PCDHGA10: variants seen among roughly 807,000 people sequenced by gnomAD.
PCDHGA10 encodes the protein protocadherin gamma subfamily A, 10.
PCDHGA10 carries 42 observed loss-of-function variants against 59.5 expected under a neutral mutation model. That is an observed-to-expected ratio of 0.71 (90% CI 0.55 to 0.91). PCDHGA10 has a LOEUF of 0.91. Among genes scored for constraint, PCDHGA10 ranks in the 40% least tolerant of loss-of-function variants. PCDHGA10 has a pLI of 0.00. For missense variants in PCDHGA10, 1,111 were observed against 1,198.2 expected (o/e 0.93, Z 1.07); for synonymous variants, 511 against 517.2 (o/e 0.99, Z 0.16).
chr5:141,438,392 ATTAAC>A (rs1296512476), intron 1 of PCDHGA10, among the ~76,000 whole-genome samples: 3 of 151,714 alleles, frequency 2.0e-5, no homozygotes, highest in African/African-American at 7.3e-5. Context: ...TTAGTTCATC[ATTAAC>A]TCTCTGAAGT....
Position 141,440,827 on chromosome 5 carries a change from A to G in PCDHGA10, c.2436+25216A>G, listed in dbSNP as rs570022849. 7 of 152,196 alleles carry G rather than the reference A, an allele frequency of 4.6e-5. 1 individual carries two copies. The highest frequency in any genetic ancestry group is 1.4e-4 in the African/African-American group (6 of 41,526). 9.4% of individuals were successfully genotyped at this position (152,196 alleles called of 1,614,324 possible). A position where few individuals can be genotyped will look rare whatever the true frequency, so the allele number is the denominator to read the frequency against. ...GCAGCATCACTCAACTCCTGATCCT[A>G]TTGGTTGAAGCCAATGACAACCCTG... On this transcript the variant is annotated intron_variant, in intron 1 of 3. Transcript: ENST00000398610.
intron 1 of PCDHGA10, chr5:141,423,431 G>T: frequency 6.2e-7 from 1 of 1,614,010 alleles, no homozygotes; most frequent in South Asian, 1.1e-5. Context: ...GGGTTGGCAG[G>T]TATGCCCACG....
Position 141,432,153 on chromosome 5 carries a change from A to T in PCDHGA10, c.2436+16542A>T. 6.2e-7 allele frequency: 1 copy of T among 1,613,758 alleles called. No homozygotes were observed. The highest frequency in any genetic ancestry group is 8.5e-7 in the Non-Finnish European group (1 of 1,179,910). On this transcript the variant is annotated intron_variant, in intron 1 of 3. Transcript: ENST00000398610. This position sits in a 1 kb window ranked among gnomAD's most constrained non-coding sequence, Gnocchi z 6.0. ...TATTCCGCTTATATCCCAGAGAACA[A>T]TCCCAGAGGAGTTTCCCTCGTCTCT...
At chr5:141,427,952 T>C (rs1311471634) in intron 1 of PCDHGA10, 38 of 1,587,018 alleles carry the variant, frequency 2.4e-5, no homozygotes, top group Non-Finnish European at 2.8e-5. Flanking sequence ...TCAATGACAA[T>C]GTGCCGCGGG....
intron 1 of PCDHGA10, among the ~76,000 whole-genome samples, chr5:141,482,410 T>G (rs1054330181): frequency 2.3e-4 from 35 of 151,890 alleles, no homozygotes; most frequent in Non-Finnish European, 1.0e-4. Flanking sequence ...AATAACTATT[T>G]GTTGAACTAA....
chr5:141,413,682 C>G lies in PCDHGA10; in HGVS notation c.507C>G (p.Asn169Lys). ...PEAIDPDVGVNSLQSYQLSPN... is the reference protein window; with the variant it reads ...PEAIDPDVGVKSLQSYQLSPN... ...CTATTGATCCGGATGTGGGCGTGAACTCCCTGCAGAGCTATCAGCTCAGCC... is the reference window on the plus strand; with the variant it reads ...CTATTGATCCGGATGTGGGCGTGAAGTCCCTGCAGAGCTATCAGCTCAGCC... The change falls in exon 1 of 4, where the codon AAC becomes AAG. Residue 169 changes from asparagine to lysine, a missense_variant. By Grantham distance (94) the Asn-to-Lys change is moderately conservative. Transcript: ENST00000398610. 6.2e-7 allele frequency: 1 copy of G among 1,613,798 alleles called. No individual in the cohort carries two copies. The highest frequency in any genetic ancestry group is 1.1e-5 in the South Asian group (1 of 91,080).
At chr5:141,449,726 TTTTTTATGACATGATTA>T (rs2098653732) in intron 1 of PCDHGA10, among the ~76,000 whole-genome samples, 1 of 151,792 alleles carries the variant, frequency 6.6e-6, no homozygotes, top group Admixed American at 6.6e-5. Flanking sequence ...ATGATATGAT[TTTTTTATGACATGATTA>T]TTTTTATGAC....
chr5:141,418,730 G>GT, intron 1 of PCDHGA10: 1 of 1,613,952 alleles, frequency 6.2e-7, no homozygotes, highest in Non-Finnish European at 8.5e-7. Context: ...AGCTCAGCAC[G>GT]TGTTCTCTCT....
At chr5:141,494,064 G>T (rs1233070772) in intron 1 of PCDHGA10, among the ~76,000 whole-genome samples, 2 of 152,160 alleles carry the variant, frequency 1.3e-5, no homozygotes, top group South Asian at 2.1e-4. Flanking sequence ...TGTGGGAGCT[G>T]GATCCCTCCC....
rs1221295650 is a variant in PCDHGA10 at position 141,489,576 on chromosome 5, C to A, written c.2437-5231C>A. 3 of 1,613,936 alleles carry A rather than the reference C, an allele frequency of 1.9e-6. No individual in the cohort carries two copies. Among genetic ancestry groups the A allele is most frequent in the Non-Finnish European group, 2.5e-6 (3 of 1,179,984 alleles). ...TGCCAGTGCAGGTGGTGACTGAACA[C>A]CCCCTGGAGCTAATCCGTGTAGAGG... On this transcript the variant is annotated intron_variant, in intron 1 of 3. Transcript: ENST00000398610. This position sits in a 1 kb window ranked among gnomAD's most constrained non-coding sequence, Gnocchi z 4.5.
At position 141,491,196 on chromosome 5, in the gene PCDHGA10, T is replaced by C. The variant is rs899789155; in HGVS notation, c.2437-3611T>C. ...TGGTGGTCCTGGTGAGGGACAATGGTGACCCTTCACTCTCCTCCACAGCCA... is the reference window on the plus strand; with the variant it reads ...TGGTGGTCCTGGTGAGGGACAATGGCGACCCTTCACTCTCCTCCACAGCCA... On this transcript the variant is annotated intron_variant, in intron 1 of 3. Transcript: ENST00000398610. The surrounding 1 kb of genome is among the most constrained non-coding windows in gnomAD (Gnocchi z 6.9). The C allele has an allele frequency of 6.8e-6, 11 of 1,614,186 alleles. No homozygotes were observed. The highest frequency in any genetic ancestry group is 9.3e-6 in the Non-Finnish European group (11 of 1,180,030).
chr5:141,432,084 T>A lies in PCDHGA10; in HGVS notation c.2436+16473T>A, dbSNP rs1372151428. 1.2e-6 allele frequency: 2 copies of A among 1,614,186 alleles called. No individual in the cohort carries two copies. Among genetic ancestry groups the A allele is most frequent in the Admixed American group, 1.7e-5 (1 of 60,022 alleles). On this transcript the variant is annotated intron_variant, in intron 1 of 3. Transcript: ENST00000398610. This position sits in a 1 kb window ranked among gnomAD's most constrained non-coding sequence, Gnocchi z 6.0. Reference sequence around the variant, plus strand: ...ACGGAAACTCATATCTCGCTGAACGTGGCAGACACCAACGACAACCCGCCG... The same window carrying A: ...ACGGAAACTCATATCTCGCTGAACGAGGCAGACACCAACGACAACCCGCCG...
intron 2 of PCDHGA10, among the ~76,000 whole-genome samples, chr5:141,497,126 C>T (rs565697662): frequency 8.2e-4 from 125 of 151,844 alleles, no homozygotes; most frequent in African/African-American, 3.0e-3. Flanking sequence ...GCAGAGGTTG[C>T]AGTGAGCTGA....
chr5:141,417,768 C>A lies in PCDHGA10; in HGVS notation c.2436+2157C>A, dbSNP rs1444250512. On this transcript the variant is annotated intron_variant, in intron 1 of 3. Coordinates refer to ENST00000398610, the MANE Select transcript of PCDHGA10 (RefSeq NM_018913.3). ...ATTGCCAGCTCCGAGACCCGGGACT[C>A]CTCCTGTCCTGGGCCGAATGCTCTT... is the stretch of plus-strand genomic sequence containing the variant. 1.3e-5 allele frequency: 19 copies of A among 1,451,358 alleles called. No individual in the cohort carries two copies. In the South Asian group the frequency reaches 1.7e-4, roughly 13 times the overall value. The allele number at this position is 1,451,358 out of a possible 1,614,324, so 89.9% of individuals were successfully genotyped here. A position where few individuals can be genotyped will look rare whatever the true frequency, so the allele number is the denominator to read the frequency against.
At position 141,508,670 on chromosome 5, in the gene PCDHGA10, C is replaced by A. The variant is rs184838473; in HGVS notation, c.2585-2277C>A. The stretch of plus-strand genomic sequence containing the variant: ...GGCCCTTCCTGTCATTCTGTCTCTG[C>A]CTCCCTTCTCCCTGCTTCTCCGTGT... On this transcript the variant is annotated intron_variant, in intron 3 of 3. Coordinates refer to ENST00000398610, the MANE Select transcript of PCDHGA10 (RefSeq NM_018913.3). Among the ~76,000 whole-genome samples the A allele has an allele frequency of 3.7e-3, 564 of 152,202 alleles. 5 individuals are homozygous for A. The highest frequency in any genetic ancestry group is 0.011 in the Admixed American group (164 of 15,294).
At chr5:141,502,666 T>C (rs962424461) in intron 2 of PCDHGA10, among the ~76,000 whole-genome samples, 10 of 152,234 alleles carry the variant, frequency 6.6e-5, no homozygotes, top group African/African-American at 2.2e-4. Context: ...CTTCATGCAA[T>C]TTTAGTATTC....
rs960870975 is a variant in PCDHGA10 at position 141,417,761 on chromosome 5, C to T, written c.2436+2150C>T. On this transcript the variant is annotated intron_variant, in intron 1 of 3. Coordinates refer to ENST00000398610, the MANE Select transcript of PCDHGA10 (RefSeq NM_018913.3). ...ACACCAGATTGCCAGCTCCGAGACC[C>T]GGGACTCCTCCTGTCCTGGGCCGAA... is the stretch of plus-strand genomic sequence containing the variant. 1.8e-5 allele frequency: 26 copies of T among 1,438,736 alleles called. No homozygotes were observed. The East Asian group carries it at 5.0e-4, about 28-fold the overall frequency. The allele number at this position is 1,438,736 out of a possible 1,614,324, so 89.1% of individuals were successfully genotyped here.
chr5:141,442,051 C>G (rs1384937090), intron 1 of PCDHGA10: 1 of 197,158 alleles, frequency 5.1e-6, no homozygotes, highest in East Asian at 1.8e-4. Context: ...CTACTGGTCG[C>G]GGTGCACTGC....
chr5:141,491,945 C>T lies in PCDHGA10; in HGVS notation c.2437-2862C>T. ...GAGGGGAGGTGGGACCGACCCCCAC[C>T]CCTACACTCAAAAAAGGCCGGGGCC... On this transcript the variant is annotated intron_variant, in intron 1 of 3. Coordinates refer to ENST00000398610, the MANE Select transcript of PCDHGA10 (RefSeq NM_018913.3). The surrounding 1 kb of genome is among the most constrained non-coding windows in gnomAD (Gnocchi z 6.9). 1.8e-6 allele frequency: 2 copies of T among 1,116,616 alleles called. No individual in the cohort carries two copies. 69.2% of individuals were successfully genotyped at this position (1,116,616 alleles called of 1,614,324 possible). A position where few individuals can be genotyped will look rare whatever the true frequency, so the allele number is the denominator to read the frequency against.
Sources: allele counts gnomAD v4.1 joint callset (sites outside exome capture counted in the v4.1 genomes callset), GRCh38; gene constraint gnomAD v4.1.1; non-coding constraint Gnocchi (gnomAD v3.1); transcripts MANE v1.5; gene names NCBI Gene and HGNC (gene_info 2026-07-23, HGNC 2026-07-21).